GFRA2: variants seen among roughly 807,000 people sequenced by gnomAD.
GFRA2 encodes the protein GDNF family receptor alpha-2.
In GFRA2, 17 loss-of-function variants were observed where a neutral mutation model predicts 48.3. The ratio of observed to expected loss-of-function variants is 0.35; its 90% CI spans 0.24 to 0.53. The LOEUF (loss-of-function observed/expected upper bound fraction) is 0.53. Ranked by LOEUF, GFRA2 falls within the 20% of genes least tolerant of loss-of-function variation. The probability of loss-of-function intolerance (pLI) is 0.93; values close to 1 mark genes in which losing one functional copy is unlikely to be tolerated. For missense variants in GFRA2, 660 were observed against 637.3 expected (o/e 1.04, Z -0.38); for synonymous variants, 305 against 257.2 (o/e 1.19, Z -1.78).
At chr8:21,710,464 G>A (rs192221011) in intron 4 of GFRA2, among the ~76,000 whole-genome samples, 1 of 152,328 alleles carries the variant, frequency 6.6e-6, no homozygotes, top group Admixed American at 6.5e-5. Context: ...AGCGCATCAA[G>A]GAGACGGGGC....
intron 4 of GFRA2, among the ~76,000 whole-genome samples, chr8:21,735,760 G>T (rs999779765): frequency 3.9e-5 from 6 of 152,040 alleles, no homozygotes; most frequent in African/African-American, 1.5e-4. Flanking sequence ...CTGACCTCCA[G>T]GGCTCGAGCC....
intron 2 of GFRA2, 21 bp downstream of exon 2, chr8:21,782,564 G>A (rs1807061850): frequency 1.3e-6 from 2 of 1,540,564 alleles, no homozygotes; most frequent in South Asian, 2.4e-5. Flanking sequence ...CTCCCCTTGG[G>A]CAAGCCCCGC....
rs1043759016 is a variant in GFRA2 at position 21,787,681 on chromosome 8, G to A, written c.40+439C>T. 4.6e-5 allele frequency among the ~76,000 whole-genome samples: 7 copies of A among 152,330 alleles called. No individual in the cohort carries two copies. The East Asian group carries it at 1.4e-3, about 29-fold the overall frequency. On this transcript the variant is annotated intron_variant, in intron 1 of 8. Transcript: ENST00000524240. ...TCCACCACGACCGACTCGGGGAGCA[G>A]ACCAGGAAAGGCGGACCCCGCAGGA... is the stretch of plus-strand genomic sequence containing the variant.
chr8:21,722,818 T>TGGGAGCCATGCCCATGGCCC (rs1803670934), intron 4 of GFRA2, among the ~76,000 whole-genome samples: 4 of 152,370 alleles, frequency 2.6e-5, no homozygotes, highest in Admixed American at 2.6e-4. Context: ...ATCAGAGGAC[T>TGGGAGCCATGCCCATGGCCC]GGGAGCCATG....
At chr8:21,789,656 C>G (rs1193210565), upstream of GFRA2, among the ~76,000 whole-genome samples, 1 of 152,112 alleles carries the variant, frequency 6.6e-6, no homozygotes, top group Non-Finnish European at 1.5e-5. Flanking sequence ...GGCCTAGCCC[C>G]GCGCGCACAT....
chr8:21,792,480 G>A (rs1031205750), upstream of GFRA2, among the ~76,000 whole-genome samples: 4 of 152,332 alleles, frequency 2.6e-5, no homozygotes, highest in East Asian at 3.9e-4. Context: ...CTTATTGAAC[G>A]ACTTCTCTGG....
chr8:21,722,700 C>A (rs1803661678), intron 4 of GFRA2, among the ~76,000 whole-genome samples: 1 of 152,222 alleles, frequency 6.6e-6, no homozygotes, highest in Non-Finnish European at 1.5e-5. Context: ...GAAAGAGTCC[C>A]CTTTCCCCCC....
intron 3 of GFRA2, among the ~76,000 whole-genome samples, 179 bp from the exon 4 acceptor site, chr8:21,751,121 G>T (rs538068630): frequency 6.6e-6 from 1 of 152,170 alleles, no homozygotes; most frequent in Non-Finnish European, 1.5e-5. Flanking sequence ...TAAAGCTGTG[G>T]TGAGGAGTAA....
chr8:21,718,586 C>CA (rs1483344787), intron 4 of GFRA2, among the ~76,000 whole-genome samples: 1 of 152,174 alleles, frequency 6.6e-6, no homozygotes, highest in Non-Finnish European at 1.5e-5. Context: ...CAATCCTTAG[C>CA]ATGAGACACC....
chr8:21,701,596 C>G (rs1436614832), intron 7 of GFRA2, among the ~76,000 whole-genome samples: 1 of 152,140 alleles, frequency 6.6e-6, no homozygotes, highest in African/African-American at 2.4e-5. Context: ...AGCCACCTGC[C>G]AGGCAGCCTC....
At chr8:21,794,497 C>G (rs936320166) in intron 2 of GFRA2, among the ~76,000 whole-genome samples, 13 of 151,414 alleles carry the variant, frequency 8.6e-5, no homozygotes, top group Non-Finnish European at 1.6e-4. Flanking sequence ...GTGATCCACC[C>G]GCCTTGGCCT....
intron 2 of GFRA2, among the ~76,000 whole-genome samples, chr8:21,799,048 T>C (rs971287972): frequency 2.6e-5 from 4 of 152,162 alleles, no homozygotes; most frequent in Non-Finnish European, 4.4e-5. Flanking sequence ...AAATGATGCC[T>C]CTAACCCAAT....
intron 1 of GFRA2, among the ~76,000 whole-genome samples, chr8:21,811,061 C>T (rs552872490): frequency 6.6e-6 from 1 of 152,336 alleles, no homozygotes; most frequent in Admixed American, 6.5e-5. Context: ...CAAAAGCAGG[C>T]CTGTGGCTGG....
At chr8:21,767,317 C>T (rs1806218907) in intron 3 of GFRA2, among the ~76,000 whole-genome samples, 1 of 151,962 alleles carries the variant, frequency 6.6e-6, no homozygotes, top group Non-Finnish European at 1.5e-5. Context: ...ACACACACAC[C>T]CCACCTCTCT....
At chr8:21,713,243 G>A (rs1395369499) in intron 4 of GFRA2, among the ~76,000 whole-genome samples, 1 of 152,044 alleles carries the variant, frequency 6.6e-6, no homozygotes, top group East Asian at 1.9e-4. Context: ...CCATGCTGGA[G>A]TGCAGTGGCT....
intron 3 of GFRA2, among the ~76,000 whole-genome samples, chr8:21,753,693 T>G (rs1408408915): frequency 6.6e-6 from 1 of 152,188 alleles, no homozygotes; most frequent in East Asian, 1.9e-4. Context: ...TGATTACACA[T>G]CGAAGGGGTA....
intron 4 of GFRA2, 122 bp from the exon 5 acceptor site, chr8:21,706,163 G>T: frequency 6.0e-6 from 4 of 663,812 alleles, no homozygotes; most frequent in Non-Finnish European, 1.1e-5. Flanking sequence ...AAGCCAGGAA[G>T]AGGGAGGGGA....
chr8:21,803,111 T>C (rs1290009833), intron 2 of GFRA2, among the ~76,000 whole-genome samples: 5 of 152,236 alleles, frequency 3.3e-5, no homozygotes, highest in Non-Finnish European at 5.9e-5. Flanking sequence ...TCATGCAACA[T>C]GTTCAATGTA....
intron 2 of GFRA2, among the ~76,000 whole-genome samples, chr8:21,804,440 AAAAAAAAC>A (rs1212912753): frequency 6.6e-6 from 1 of 151,876 alleles, no homozygotes; most frequent in African/African-American, 2.4e-5. Flanking sequence ...AAAAAAACAA[AAAAAAAAC>A]AAACTGGTGC....
Sources: gnomAD v4.1 joint callset for allele counts (sites outside exome capture counted in the v4.1 genomes callset) on GRCh38, gnomAD v4.1.1 for gene constraint, MANE v1.5 for transcripts, NCBI Gene and HGNC (gene_info 2026-07-23, HGNC 2026-07-21) for gene names.